Variants in PDE1A observed in about 807,000 individuals in gnomAD.
PDE1A encodes phosphodiesterase 1A, also known as dual specificity calcium/calmodulin-dependent 3',5'-cyclic nucleotide phosphodiesterase 1A.
In PDE1A, 35 loss-of-function variants were observed where a neutral mutation model predicts 61.7. The observed-to-expected ratio is 0.57, with a 90% CI of 0.43 to 0.75. PDE1A has a LOEUF of 0.75. Ranked by LOEUF, PDE1A falls within the 30% of genes least tolerant of loss-of-function variation. PDE1A has a pLI of 0.00. For synonymous variants in PDE1A, 232 were observed against 213.2 expected (o/e 1.09, Z -0.77); for missense variants, 597 against 630.6 (o/e 0.95, Z 0.57).
chr2:182,454,978 A>C (rs1040110124), intron 2 of PDE1A, among the ~76,000 whole-genome samples: 12 of 151,816 alleles, frequency 7.9e-5, no homozygotes, highest in East Asian at 1.9e-4. Flanking sequence ...CAACCTACAA[A>C]ATGGGAGAAA....
At chr2:182,673,068 T>C in the PDE1A span, among the ~76,000 whole-genome samples, 1 of 152,156 alleles carries the variant, frequency 6.6e-6, no homozygotes, top group Non-Finnish European at 1.5e-5. Context: ...AGAATGACAA[T>C]ACAACAGAAA....
chr2:182,560,508 G>C, the PDE1A span, among the ~76,000 whole-genome samples: 1 of 150,990 alleles, frequency 6.6e-6, no homozygotes, highest in South Asian at 2.1e-4. Flanking sequence ...ATTGTGAATA[G>C]TGCCGCAATA....
At chr2:182,328,413 G>A (rs1284192115) in intron 1 of PDE1A, among the ~76,000 whole-genome samples, 2 of 152,126 alleles carry the variant, frequency 1.3e-5, no homozygotes, top group Non-Finnish European at 2.9e-5. Context: ...GGCATTGAGA[G>A]TACATGGAAG....
At chr2:182,480,504 T>C (rs1687635591) in intron 2 of PDE1A, among the ~76,000 whole-genome samples, 1 of 151,918 alleles carries the variant, frequency 6.6e-6, no homozygotes, top group African/African-American at 2.4e-5. Context: ...CAACTGTGGA[T>C]GGAAAATATT....
intron 2 of PDE1A, among the ~76,000 whole-genome samples, chr2:182,473,118 C>G (rs186407189): frequency 6.6e-6 from 1 of 151,666 alleles, no homozygotes; most frequent in African/African-American, 2.4e-5. Flanking sequence ...TCCCTCCCCC[C>G]TCAACCCCAC....
At chr2:182,611,947 T>G in the PDE1A span, among the ~76,000 whole-genome samples, 1 of 152,184 alleles carries the variant, frequency 6.6e-6, no homozygotes, top group African/African-American at 2.4e-5. Context: ...ACACCTTCCA[T>G]GCCCTGCTGA....
At chr2:182,557,086 G>A in the PDE1A span, among the ~76,000 whole-genome samples, 1 of 152,084 alleles carries the variant, frequency 6.6e-6, no homozygotes, top group Non-Finnish European at 1.5e-5. Context: ...CCTGAGGTCA[G>A]GAGTTCAAGA....
intron 1 of PDE1A, among the ~76,000 whole-genome samples, chr2:182,358,406 TGAA>T (rs1022141472): frequency 1.3e-5 from 2 of 152,156 alleles, no homozygotes; most frequent in African/African-American, 4.8e-5. Flanking sequence ...ACTTCCTTTT[TGAA>T]GTTTTGTCTA....
the PDE1A span, among the ~76,000 whole-genome samples, chr2:182,715,620 A>G: frequency 6.6e-6 from 1 of 152,244 alleles, no homozygotes; most frequent in African/African-American, 2.4e-5. Context: ...CAGTTCCTGT[A>G]CCATAGCAGT....
chr2:182,465,436 T>C (rs1332492824), intron 2 of PDE1A, among the ~76,000 whole-genome samples: 2 of 152,050 alleles, frequency 1.3e-5, no homozygotes, highest in African/African-American at 2.4e-5. Flanking sequence ...ATCTGATACA[T>C]TCAATCAATT....
rs998999316 is a variant in PDE1A at position 182,426,561 on chromosome 2, G to A, written c.53+17C>T. The A allele has an allele frequency of 5.8e-6, 9 of 1,540,662 alleles. No individual in the cohort carries two copies. The highest frequency in any genetic ancestry group is 8.1e-6 in the Non-Finnish European group (9 of 1,114,374). On this transcript the variant is annotated intron_variant, in intron 1 of 13. Transcript: ENST00000351439. ...TCCTGACAGCCCTAGAGCCACCTGC[G>A]ATGTAGCATTACTTACCTAAAGATG...
chr2:182,454,614 G>A (rs373518844), intron 2 of PDE1A, among the ~76,000 whole-genome samples: 117 of 151,468 alleles, frequency 7.7e-4, no homozygotes, highest in Middle Eastern at 3.4e-3. Context: ...AAATAATGCC[G>A]CATATCTACA....
chr2:182,700,299 C>T, the PDE1A span, among the ~76,000 whole-genome samples: 2 of 152,120 alleles, frequency 1.3e-5, no homozygotes, highest in African/African-American at 2.4e-5. Context: ...AGGCCGGGCG[C>T]GGTGGCTCAC....
chr2:182,181,845 A>G (rs1174491905), intron 13 of PDE1A, among the ~76,000 whole-genome samples: 1 of 152,128 alleles, frequency 6.6e-6, no homozygotes, highest in Non-Finnish European at 1.5e-5. Context: ...TGCTTAGTCC[A>G]AACCTCTCAG....
At chr2:182,422,034 A>G (rs1703309509) in intron 1 of PDE1A, among the ~76,000 whole-genome samples, 1 of 152,214 alleles carries the variant, frequency 6.6e-6, no homozygotes, top group Non-Finnish European at 1.5e-5. Flanking sequence ...AGACGTAAAG[A>G]GAAGAAACAG....
chr2:182,607,032 A>C, the PDE1A span, among the ~76,000 whole-genome samples: 1 of 152,276 alleles, frequency 6.6e-6, no homozygotes, highest in East Asian at 1.9e-4. Flanking sequence ...AATGGCAGAG[A>C]AGAAATGTAA....
chr2:182,246,096 T>C (rs1314591614), intron 2 of PDE1A, among the ~76,000 whole-genome samples: 1 of 152,172 alleles, frequency 6.6e-6, no homozygotes, highest in African/African-American at 2.4e-5. Context: ...CAATGCCTTA[T>C]TCATAAAGCT....
downstream of PDE1A, among the ~76,000 whole-genome samples, chr2:182,144,659 A>G (rs185041589): frequency 4.6e-3 from 702 of 152,122 alleles, 13 homozygotes; most frequent in East Asian, 4.3e-3. Flanking sequence ...AGGCTGCGAT[A>G]ACATCTACAC....
chr2:182,662,341 G>GAAAAAAAAAAAA, the PDE1A span, among the ~76,000 whole-genome samples: 23 of 137,882 alleles, frequency 1.7e-4, no homozygotes, highest in African/African-American at 5.5e-4. Context: ...AAAAAAAAAA[G>GAAAAAAAAAAAA]AAAAAAAAAA....
Sources: allele counts gnomAD v4.1 joint callset (sites outside exome capture counted in the v4.1 genomes callset), GRCh38; gene constraint gnomAD v4.1.1; transcripts MANE v1.5; gene names NCBI Gene and HGNC (gene_info 2026-07-23, HGNC 2026-07-21).